The following ATRNL1 variants were observed in gnomAD, a reference collection of about 807,000 sequenced individuals.
ATRNL1 encodes the protein attractin-like protein 1.
ATRNL1 carries 95 observed loss-of-function variants against 182.7 expected under a neutral mutation model. The observed-to-expected ratio is 0.52, with a 90% confidence interval of 0.44 to 0.62. ATRNL1 has a LOEUF of 0.62. ATRNL1 is among the 20% of genes least tolerant of loss of function. ATRNL1 has a pLI of 0.00. For synonymous variants in ATRNL1, 576 were observed against 568.3 expected, an observed-to-expected ratio of 1.01 and a Z score of -0.19; for missense variants, 1,471 against 1,679.5, an observed-to-expected ratio of 0.88 and a Z score of 2.17.
At chr10:115,401,468 A>G (rs1221130542) in intron 20 of ATRNL1, among the ~76,000 whole-genome samples, 1 of 152,062 alleles carries the variant, frequency 6.6e-6, no homozygotes, top group Non-Finnish European at 1.5e-5. Flanking sequence ...CAGAGATCTC[A>G]TGTCAAGACA....
intron 18 of ATRNL1, among the ~76,000 whole-genome samples, chr10:115,324,137 CT>C (rs1854745586): frequency 6.6e-6 from 1 of 151,812 alleles, no homozygotes; most frequent in Non-Finnish European, 1.5e-5. Flanking sequence ...TTTTAATCTC[CT>C]GGTTTTTATG....
intron 28 of ATRNL1, among the ~76,000 whole-genome samples, chr10:115,924,625 A>T (rs1281784816): frequency 1.3e-5 from 2 of 152,188 alleles, no homozygotes; most frequent in Non-Finnish European, 2.9e-5. Flanking sequence ...TTTTGGTACC[A>T]GTACCATGCT....
At chr10:115,264,083 CT>C (rs58308405) in intron 10 of ATRNL1, among the ~76,000 whole-genome samples, 32,700 of 147,462 alleles carry the variant, frequency 0.22, 4,519 homozygotes, top group Non-Finnish European at 0.32. Flanking sequence ...GCATCATTCT[CT>C]TTTTTTTTTT....
intron 13 of ATRNL1, among the ~76,000 whole-genome samples, chr10:115,278,964 A>G (rs1852227737): frequency 6.6e-6 from 1 of 152,042 alleles, no homozygotes; most frequent in Non-Finnish European, 1.5e-5. Context: ...GCACTTTGGG[A>G]GGCCAAGGCA....
At chr10:115,902,596 G>A (rs1030003128) in intron 28 of ATRNL1, among the ~76,000 whole-genome samples, 2 of 152,156 alleles carry the variant, frequency 1.3e-5, no homozygotes, top group African/African-American at 4.8e-5. Context: ...TGGAGTGAAT[G>A]TCCCCACGTT....
chr10:115,877,496 G>T (rs1951727070), intron 28 of ATRNL1, among the ~76,000 whole-genome samples: 1 of 152,078 alleles, frequency 6.6e-6, no homozygotes, highest in African/African-American at 2.4e-5. Flanking sequence ...CACTCCAGGG[G>T]GTCCCTACAT....
chr10:115,869,720 A>G (rs1487547140), intron 28 of ATRNL1, among the ~76,000 whole-genome samples: 1 of 152,210 alleles, frequency 6.6e-6, no homozygotes, highest in African/African-American at 2.4e-5. Context: ...CGAGATAACC[A>G]ATAAAACACA....
chr10:115,120,226 A>G lies in ATRNL1; in HGVS notation c.335A>G (p.Asn112Ser), dbSNP rs782274436. Reference protein sequence around the residue: ...PSGYLTDGPINYKYKTKCTWL... With the variant: ...PSGYLTDGPISYKYKTKCTWL... The stretch of plus-strand genomic sequence containing the variant: ...GGATATTTAACAGATGGCCCAATTA[A>G]CTATAAATATAAAACTAAATGTACT... The change falls in exon 2 of 29, where the codon AAC becomes AGC. Residue 112 changes from asparagine (N) to serine (S), a missense_variant. Asn to Ser is a conservative substitution (Grantham distance 46). Coordinates refer to ENST00000355044, the MANE Select transcript of ATRNL1 (RefSeq NM_207303.4). The G allele has an allele frequency of 1.3e-6, 2 of 1,578,170 alleles. No individual in the cohort carries two copies. The highest frequency in any genetic ancestry group is 2.3e-5 in the East Asian group (1 of 44,288).
At chr10:115,122,862 G>A (rs541415296) in intron 3 of ATRNL1, among the ~76,000 whole-genome samples, 5 of 152,060 alleles carry the variant, frequency 3.3e-5, no homozygotes, top group Non-Finnish European at 7.4e-5. Context: ...AAATAGAGTG[G>A]AGCCTTGCAA....
intron 27 of ATRNL1, among the ~76,000 whole-genome samples, chr10:115,845,264 C>G (rs1235525262): frequency 6.6e-6 from 1 of 151,888 alleles, no homozygotes; most frequent in Admixed American, 6.6e-5. Context: ...TATAGCTTAT[C>G]AATATACAGA....
intron 21 of ATRNL1, among the ~76,000 whole-genome samples, chr10:115,443,104 C>T (rs1312581440): frequency 1.3e-5 from 2 of 151,780 alleles, no homozygotes; most frequent in African/African-American, 4.8e-5. Context: ...ATTTTTAAAC[C>T]ATTACATTTT....
At chr10:115,301,270 A>G (rs1424751579) in intron 16 of ATRNL1, among the ~76,000 whole-genome samples, 10 of 152,198 alleles carry the variant, frequency 6.6e-5, no homozygotes, top group Non-Finnish European at 1.3e-4. Context: ...AGCCAGAAGC[A>G]GAATTACAAA....
chr10:115,544,910 G>T (rs1171144323), intron 25 of ATRNL1, among the ~76,000 whole-genome samples: 9 of 152,022 alleles, frequency 5.9e-5, no homozygotes, highest in African/African-American at 1.9e-4. Context: ...TTTATTGTTT[G>T]CCTGTTTGTT....
At position 115,505,178 on chromosome 10, in the gene ATRNL1, A is replaced by G. The variant is rs547323108; in HGVS notation, c.3655-14085A>G. Among the ~76,000 whole-genome samples, 12 of 152,240 alleles carry G rather than the reference A, an allele frequency of 7.9e-5. No homozygotes were observed. In the South Asian group the frequency reaches 1.7e-3, roughly 21 times the overall value. ...TTGTATAAGGAGACCAATTTTATTTAGATACAGACTACATATATTTTAACT... is the reference window on the plus strand; with the variant it reads ...TTGTATAAGGAGACCAATTTTATTTGGATACAGACTACATATATTTTAACT... On this transcript the variant is annotated intron_variant, in intron 24 of 28. Transcript: ENST00000355044.
At chr10:115,796,343 C>G (rs2420117) in intron 27 of ATRNL1, among the ~76,000 whole-genome samples, 37,433 of 151,862 alleles carry the variant, frequency 0.25, 5,188 homozygotes, top group African/African-American at 0.37. Context: ...TTTCCCCTTC[C>G]CACCTAATCT....
At chr10:115,941,404 T>C (rs1589722472) in intron 28 of ATRNL1, among the ~76,000 whole-genome samples, 1 of 152,188 alleles carries the variant, frequency 6.6e-6, no homozygotes, top group Admixed American at 6.5e-5. Flanking sequence ...ACAGTGGCAG[T>C]TTTGGATTAG....
intron 28 of ATRNL1, among the ~76,000 whole-genome samples, chr10:115,876,207 C>T (rs1443435342): frequency 1.3e-5 from 2 of 152,142 alleles, no homozygotes; most frequent in African/African-American, 4.8e-5. Flanking sequence ...ATGTGGACCA[C>T]TTCTTGGGTG....
chr10:115,709,014 G>A (rs535372676), intron 26 of ATRNL1, among the ~76,000 whole-genome samples: 28 of 151,862 alleles, frequency 1.8e-4, no homozygotes, highest in Middle Eastern at 3.4e-3. Context: ...CACATGCTTC[G>A]TTGACAACAG....
intron 9 of ATRNL1, among the ~76,000 whole-genome samples, chr10:115,221,414 T>C (rs1452019737): frequency 6.6e-6 from 1 of 152,242 alleles, no homozygotes; most frequent in Non-Finnish European, 1.5e-5. Context: ...GGGCACTTTG[T>C]TGAGATACTA....
Sources: gnomAD v4.1 joint callset for allele counts (sites outside exome capture counted in the v4.1 genomes callset) on GRCh38, gnomAD v4.1.1 for gene constraint, MANE v1.5 for transcripts, NCBI Gene and HGNC (gene_info 2026-07-23, HGNC 2026-07-21) for gene names.